Variants in CWF19L2 observed in about 807,000 individuals in gnomAD.
CWF19L2 encodes CWF19-like protein 2.
CWF19L2 carries 98 observed loss-of-function variants against 111.7 expected under a neutral mutation model. That is an observed-to-expected ratio of 0.88 (90% CI 0.75 to 1.04). CWF19L2 has a LOEUF of 1.04. CWF19L2 is among the 50% of genes least tolerant of loss of function. The probability of loss-of-function intolerance (pLI) is 0.00; values close to 1 mark genes in which losing one functional copy is unlikely to be tolerated. For missense variants in CWF19L2, 1,101 were observed against 1,051.4 expected, an observed-to-expected ratio of 1.05 and a Z score of -0.65; for synonymous variants, 351 against 342.9, an observed-to-expected ratio of 1.02 and a Z score of -0.26.
chr11:107,332,708 T>C (rs1484048964), intron 16 of CWF19L2, among the ~76,000 whole-genome samples: 1 of 152,208 alleles, frequency 6.6e-6, no homozygotes, highest in Non-Finnish European at 1.5e-5. Context: ...AAAATACTTT[T>C]ATTAATTTTT....
At chr11:107,452,194 A>G (rs963000408) in intron 3 of CWF19L2, among the ~76,000 whole-genome samples, 4 of 152,156 alleles carry the variant, frequency 2.6e-5, no homozygotes, top group Non-Finnish European at 5.9e-5. Context: ...GAAATCTACT[A>G]AAAAAGCTAC....
chr11:107,398,353 G>A (rs1860953212), intron 10 of CWF19L2, among the ~76,000 whole-genome samples: 1 of 152,110 alleles, frequency 6.6e-6, no homozygotes, highest in African/African-American at 2.4e-5. Flanking sequence ...AAAAATTCAG[G>A]AAACTTTGGA....
intron 14 of CWF19L2, among the ~76,000 whole-genome samples, chr11:107,346,270 C>A (rs1020805697): frequency 6.6e-6 from 1 of 151,874 alleles, no homozygotes; most frequent in African/African-American, 2.4e-5. Flanking sequence ...ATCAAGTTAT[C>A]CCAAGGTAAA....
chr11:107,384,694 T>G (rs1376271270), intron 12 of CWF19L2, among the ~76,000 whole-genome samples: 3 of 152,242 alleles, frequency 2.0e-5, no homozygotes, highest in African/African-American at 7.2e-5. Context: ...ATTTACATAC[T>G]GTGTATGGCT....
intron 7 of CWF19L2, 28 bp downstream of exon 7, chr11:107,433,606 G>C: frequency 9.5e-7 from 1 of 1,053,170 alleles, no homozygotes; most frequent in Non-Finnish European, 1.3e-6. Flanking sequence ...CTGAAAATAA[G>C]AGGCATCTCC....
chr11:107,403,151 A>G (rs1591185183), intron 10 of CWF19L2, among the ~76,000 whole-genome samples: 1 of 151,596 alleles, frequency 6.6e-6, no homozygotes, highest in African/African-American at 2.4e-5. Context: ...AATATGGTCC[A>G]GTGTATACTG....
intron 8 of CWF19L2, among the ~76,000 whole-genome samples, chr11:107,420,701 A>T (rs1445012247): frequency 6.6e-6 from 1 of 152,068 alleles, no homozygotes; most frequent in Non-Finnish European, 1.5e-5. Flanking sequence ...AGTTTGACTT[A>T]TAAATAAGGT....
At chr11:107,356,570 A>G (rs1253586779) in intron 12 of CWF19L2, among the ~76,000 whole-genome samples, 1 of 152,230 alleles carries the variant, frequency 6.6e-6, no homozygotes, top group Non-Finnish European at 1.5e-5. Context: ...TTATTATTTT[A>G]AATTTATTTT....
intron 10 of CWF19L2, among the ~76,000 whole-genome samples, chr11:107,408,017 A>G (rs1239476757): frequency 6.6e-6 from 1 of 151,998 alleles, no homozygotes; most frequent in African/African-American, 2.4e-5. Context: ...GATAGTAGTC[A>G]TAAATAGAAT....
At chr11:107,388,344 T>C (rs574502068) in intron 12 of CWF19L2, among the ~76,000 whole-genome samples, 3 of 152,224 alleles carry the variant, frequency 2.0e-5, no homozygotes, top group African/African-American at 7.2e-5. Flanking sequence ...CTGACACTAA[T>C]TAAGTCTTCA....
At chr11:107,349,106 T>C in intron 13 of CWF19L2, 53 bp from the exon 14 acceptor site, 1 of 872,466 alleles carries the variant, frequency 1.1e-6, no homozygotes, top group Non-Finnish European at 1.7e-6. Context: ...ATATGTTATA[T>C]ATTTATATGT....
chr11:107,429,864 T>C (rs986345011), intron 7 of CWF19L2, among the ~76,000 whole-genome samples: 29 of 145,338 alleles, frequency 2.0e-4, no homozygotes, highest in Admixed American at 1.6e-3. Context: ...AAATAAAAAA[T>C]TGTGTGTCCC....
chr11:107,363,195 G>A (rs141100639), intron 12 of CWF19L2, among the ~76,000 whole-genome samples: 1 of 152,106 alleles, frequency 6.6e-6, no homozygotes, highest in Non-Finnish European at 1.5e-5. Flanking sequence ...ATCTACGTCG[G>A]ATTGGTGTAC....
At chr11:107,398,675 C>A (rs1161794741) in intron 10 of CWF19L2, among the ~76,000 whole-genome samples, 1 of 152,172 alleles carries the variant, frequency 6.6e-6, no homozygotes, top group Non-Finnish European at 1.5e-5. Context: ...ATACAAGAAG[C>A]ACAAAGAATA....
At chr11:107,355,834 A>G (rs1860229344) in intron 12 of CWF19L2, among the ~76,000 whole-genome samples, 1 of 152,212 alleles carries the variant, frequency 6.6e-6, no homozygotes, top group African/African-American at 2.4e-5. Flanking sequence ...GCACAAACAG[A>G]AAAGCAATAG....
chr11:107,456,237 T>C (rs1040230050), intron 1 of CWF19L2, among the ~76,000 whole-genome samples: 1 of 152,192 alleles, frequency 6.6e-6, no homozygotes, highest in Non-Finnish European at 1.5e-5. Context: ...GAAAGGATCA[T>C]ATTGGTAATT....
chr11:107,419,418 T>C (rs1331833519), intron 8 of CWF19L2, among the ~76,000 whole-genome samples: 2 of 152,174 alleles, frequency 1.3e-5, no homozygotes, highest in Non-Finnish European at 2.9e-5. Flanking sequence ...CAAGGTAGTC[T>C]GTAAAACTTA....
chr11:107,348,409 A>G (rs1277049232), intron 14 of CWF19L2, among the ~76,000 whole-genome samples: 1 of 152,190 alleles, frequency 6.6e-6, no homozygotes, highest in Non-Finnish European at 1.5e-5. Context: ...TCAGCCACAA[A>G]AACAAATCCC....
intron 13 of CWF19L2, among the ~76,000 whole-genome samples, chr11:107,349,329 T>C (rs1269681578): frequency 6.6e-6 from 1 of 152,126 alleles, no homozygotes; most frequent in African/African-American, 2.4e-5. Flanking sequence ...ACGATTAAGA[T>C]TAGGCAAAGA....
Sources: gnomAD v4.1 joint callset for allele counts (sites outside exome capture counted in the v4.1 genomes callset) on GRCh38, gnomAD v4.1.1 for gene constraint, MANE v1.5 for transcripts, NCBI Gene and HGNC (gene_info 2026-07-23, HGNC 2026-07-21) for gene names.